CACNA1C: variants seen among roughly 807,000 people sequenced by gnomAD.
CACNA1C encodes calcium voltage-gated channel subunit alpha1 C, also known as voltage-dependent L-type calcium channel subunit alpha-1C.
CACNA1C carries 30 observed loss-of-function variants against 229.0 expected under a neutral mutation model. That is an observed-to-expected ratio of 0.13 (90% CI 0.10 to 0.18). The LOEUF (loss-of-function observed/expected upper bound fraction) is 0.18. CACNA1C is among the 10% of genes least tolerant of loss of function. CACNA1C has a pLI of 1.00. For synonymous variants in CACNA1C, 1,114 were observed against 1,132.5 expected (o/e 0.98, Z 0.33); for missense variants, 1,658 against 2,845.0 (o/e 0.58, Z 9.49).
rs1400738180 is a variant in CACNA1C, at chr12:2,630,248, C to T, written c.3829-4049C>T. ...TCCAGGTCAGACTGATTTCGTAAGA[C>T]GTGTATGATTTTTTTCCCACCCTCC... On this transcript the variant is annotated intron_variant, in intron 29 of 46. Coordinates refer to ENST00000399655, the MANE Select transcript of CACNA1C (RefSeq NM_000719.7). The surrounding 1 kb of genome is among the most constrained non-coding windows in gnomAD (Gnocchi z 5.4). Among the ~76,000 whole-genome samples the T allele has an allele frequency of 1.3e-5, 2 of 152,156 alleles. No homozygotes were observed. Among genetic ancestry groups the T allele is most frequent in the Non-Finnish European group, 2.9e-5 (2 of 68,030 alleles).
chr12:2,552,050 G>A (rs2041557391), intron 10 of CACNA1C, among the ~76,000 whole-genome samples: 1 of 152,238 alleles, frequency 6.6e-6, no homozygotes, highest in Non-Finnish European at 1.5e-5. Context: ...ACCAAGGGCT[G>A]AATCTTGGGA....
intron 3 of CACNA1C, among the ~76,000 whole-genome samples, chr12:2,280,998 C>A (rs946886082): frequency 2.0e-5 from 3 of 152,094 alleles, no homozygotes; most frequent in African/African-American, 7.2e-5. Flanking sequence ...TTTTAGGGTA[C>A]ATGTGCACAA....
intron 26 of CACNA1C, among the ~76,000 whole-genome samples, chr12:2,607,679 G>A (rs768727813): frequency 4.6e-5 from 7 of 152,258 alleles, no homozygotes; most frequent in Non-Finnish European, 1.0e-4. Context: ...AGAGCAGCCC[G>A]TGGGCCTTGC....
chr12:2,208,089 C>A (rs188189073), intron 3 of CACNA1C, among the ~76,000 whole-genome samples: 57 of 152,246 alleles, frequency 3.7e-4, no homozygotes, highest in African/African-American at 1.4e-3. Flanking sequence ...CAACCACATA[C>A]GCCATGGCTC....
At position 2,358,251 on chromosome 12, in the gene CACNA1C, CTGTGTGTGTGTGTGTG is replaced by C. The variant is rs57191390; in HGVS notation, c.478-90683_478-90668del. Among the ~76,000 whole-genome samples, 964 of 136,110 alleles carry C rather than the reference CTGTGTGTGTGTGTGTG, an allele frequency of 7.1e-3. 6 individuals are homozygous for C. Among genetic ancestry groups the C allele is most frequent in the African/African-American group, 0.015 (543 of 36,974 alleles). 89.3% of individuals were successfully genotyped at this position (136,110 alleles called of 152,430 possible). ...CTGGCCTAAAAGAAGCGGCGTCCTC[CTGTGTGTGTGTGTGTG>C]TGTGTGTGTGTGTGTGTGTGTGTGT... is the stretch of plus-strand genomic sequence containing the variant. On this transcript the variant is annotated intron_variant, in intron 3 of 46. Coordinates refer to ENST00000399655, the MANE Select transcript of CACNA1C (RefSeq NM_000719.7).
intron 3 of CACNA1C, among the ~76,000 whole-genome samples, chr12:2,148,246 T>C (rs2094904974): frequency 6.6e-6 from 1 of 151,268 alleles, no homozygotes; most frequent in South Asian, 2.1e-4. Context: ...CGATGGTTCT[T>C]TTTGGAAACT....
intron 1 of CACNA1C, among the ~76,000 whole-genome samples, chr12:2,035,984 T>C (rs1180828273): frequency 6.6e-6 from 1 of 152,192 alleles, no homozygotes; most frequent in Non-Finnish European, 1.5e-5. Context: ...GGTGCTAATT[T>C]TGCGGTCTTG....
chr12:1,996,647 AAAAAAAAACAAC>A (rs1284094572), intron 1 of CACNA1C, among the ~76,000 whole-genome samples: 2,001 of 53,792 alleles, frequency 0.037, 151 homozygotes, highest in Non-Finnish European at 0.051. Flanking sequence ...AAAAAAAAAA[AAAAAAAAACAAC>A]AAACTCTTCT....
chr12:2,449,783 C>T (rs1254559014), intron 4 of CACNA1C, among the ~76,000 whole-genome samples: 2 of 152,182 alleles, frequency 1.3e-5, no homozygotes, highest in Non-Finnish European at 2.9e-5. Context: ...CACATCTGGC[C>T]CCGCAGTTCC....
intron 18 of CACNA1C, among the ~76,000 whole-genome samples, chr12:2,587,552 G>GCTTTT (rs1375354191): frequency 1.3e-5 from 2 of 152,110 alleles, no homozygotes; most frequent in African/African-American, 4.8e-5. Context: ...TATACTCTTG[G>GCTTTT]CTTTTCTTTT....
At chr12:2,600,417 G>C (rs1367211075) in intron 21 of CACNA1C, among the ~76,000 whole-genome samples, 2 of 152,222 alleles carry the variant, frequency 1.3e-5, no homozygotes, top group African/African-American at 4.8e-5. Context: ...GTTTGCTTTT[G>C]AATGGCTCTG....
chr12:2,212,062 C>T (rs1157977304), intron 3 of CACNA1C, among the ~76,000 whole-genome samples: 15 of 152,128 alleles, frequency 9.9e-5, no homozygotes. Context: ...GCTTGGAGGC[C>T]TAGAGGCAGG....
At chr12:2,189,703 C>G (rs1249712286) in intron 3 of CACNA1C, among the ~76,000 whole-genome samples, 3 of 152,176 alleles carry the variant, frequency 2.0e-5, no homozygotes, top group Non-Finnish European at 4.4e-5. Flanking sequence ...TGTGATTTAC[C>G]TGCCATAAGA....
chr12:2,624,898 A>G (rs552065112), intron 29 of CACNA1C, among the ~76,000 whole-genome samples: 11 of 152,378 alleles, frequency 7.2e-5, no homozygotes, highest in African/African-American at 2.2e-4. Context: ...GAAGGGCAGC[A>G]GCTGCGGATG....
At chr12:2,501,003 G>A (rs1258002680) in intron 7 of CACNA1C, among the ~76,000 whole-genome samples, 4 of 150,936 alleles carry the variant, frequency 2.7e-5, no homozygotes, top group Admixed American at 6.6e-5. Flanking sequence ...TCAGGAGATC[G>A]AGACCATCCT....
chr12:2,100,715 G>A (rs1179595352), intron 1 of CACNA1C, among the ~76,000 whole-genome samples: 1 of 151,322 alleles, frequency 6.6e-6, no homozygotes, highest in African/African-American at 2.4e-5. Context: ...CTGTGATCAC[G>A]GCACTGCATT....
intron 3 of CACNA1C, among the ~76,000 whole-genome samples, chr12:2,408,635 C>A (rs971361141): frequency 4.6e-5 from 7 of 151,542 alleles, no homozygotes; most frequent in African/African-American, 1.7e-4. Flanking sequence ...TTTTATGTTT[C>A]TTTTACATAT....
rs567523147 is a variant in CACNA1C at position 2,019,190 on chromosome 12, A to G, written c.139+47989A>G. 2.0e-5 allele frequency among the ~76,000 whole-genome samples: 3 copies of G among 152,276 alleles called. No homozygotes were observed. The South Asian group carries it at 6.2e-4, about 32-fold the overall frequency. ...AGAAATGGAATCTGGGGCTGGGTAC[A>G]GTGGCTCACACCTGTAATCCTGACC... On this transcript the variant is annotated intron_variant, in intron 1 of 46. Transcript: ENST00000682462.
chr12:2,588,812 G>A (rs2063767283), intron 18 of CACNA1C, among the ~76,000 whole-genome samples: 1 of 152,176 alleles, frequency 6.6e-6, no homozygotes, highest in Non-Finnish European at 1.5e-5. Flanking sequence ...ATTTATTTGA[G>A]TGAGCATGCA....
Sources: allele counts gnomAD v4.1 joint callset (sites outside exome capture counted in the v4.1 genomes callset), GRCh38; gene constraint gnomAD v4.1.1; non-coding constraint Gnocchi (gnomAD v3.1); transcripts MANE v1.5; gene names NCBI Gene and HGNC (gene_info 2026-07-23, HGNC 2026-07-21).